The following KIAA1217 variants were observed in gnomAD, a reference collection of about 807,000 sequenced individuals.
The protein encoded by KIAA1217 is sickle tail protein homolog.
KIAA1217 carries 88 observed loss-of-function variants against 163.9 expected under a neutral mutation model. The observed-to-expected ratio is 0.54, with a 90% CI of 0.45 to 0.64. The LOEUF is 0.64. Ranked by LOEUF, KIAA1217 falls within the 30% of genes least tolerant of loss-of-function variation. The pLI, the probability that KIAA1217 is intolerant of heterozygous loss-of-function variation, is 0.00. For missense variants in KIAA1217, 2,372 were observed against 2,475.0 expected, an observed-to-expected ratio of 0.96 and a Z score of 0.88; for synonymous variants, 903 against 923.1, an observed-to-expected ratio of 0.98 and a Z score of 0.39.
chr10:24,000,649 C>A (rs1442862966), intron 1 of KIAA1217, among the ~76,000 whole-genome samples: 1 of 152,176 alleles, frequency 6.6e-6, no homozygotes, highest in Non-Finnish European at 1.5e-5. Context: ...TCCTGGGGCA[C>A]AAGTGGTGAT....
chr10:23,811,102 A>ATATATATTATATG (rs1357522838), intron 1 of KIAA1217, among the ~76,000 whole-genome samples: 1 of 136,420 alleles, frequency 7.3e-6, no homozygotes, highest in African/African-American at 2.7e-5. Flanking sequence ...TATATATACT[A>ATATATATTATATG]TATATTATAT....
chr10:24,449,819 C>T (rs984804946), intron 5 of KIAA1217: 1 of 866,104 alleles, frequency 1.2e-6, no homozygotes, highest in African/African-American at 1.8e-5. Context: ...TTTTCATGCT[C>T]TGGCACGTTT....
intron 5 of KIAA1217, among the ~76,000 whole-genome samples, chr10:24,464,000 A>C (rs2062692539): frequency 6.6e-6 from 1 of 152,192 alleles, no homozygotes; most frequent in African/African-American, 2.4e-5. Flanking sequence ...ACACACTCAT[A>C]CTGAACCAAA....
intron 2 of KIAA1217, among the ~76,000 whole-genome samples, chr10:24,183,438 T>C (rs76108267): frequency 1.3e-5 from 2 of 152,214 alleles, no homozygotes; most frequent in African/African-American, 4.8e-5. Flanking sequence ...CTGCTTCTCA[T>C]TCATCTTCAG....
At chr10:24,395,837 G>A (rs748717654) in intron 3 of KIAA1217, among the ~76,000 whole-genome samples, 11 of 151,936 alleles carry the variant, frequency 7.2e-5, no homozygotes, top group Non-Finnish European at 1.5e-4. Flanking sequence ...ATTACACTTG[G>A]CTATTTTGTT....
intron 2 of KIAA1217, among the ~76,000 whole-genome samples, chr10:24,258,880 A>C (rs2075441764): frequency 6.6e-6 from 1 of 152,118 alleles, no homozygotes; most frequent in South Asian, 2.1e-4. Flanking sequence ...GGCGTGAGCC[A>C]CCGCGCCCGG....
At chr10:24,073,689 T>A (rs1046854589) in intron 2 of KIAA1217, among the ~76,000 whole-genome samples, 1 of 152,124 alleles carries the variant, frequency 6.6e-6, no homozygotes, top group Non-Finnish European at 1.5e-5. Context: ...TCTATTCCAA[T>A]AGGAATGTGC....
intron 1 of KIAA1217, among the ~76,000 whole-genome samples, chr10:23,930,703 T>G (rs1404685957): frequency 6.6e-6 from 1 of 152,202 alleles, no homozygotes; most frequent in East Asian, 1.9e-4. Flanking sequence ...TATCTGTGAT[T>G]CATCAGGAAA....
chr10:24,049,201 G>A (rs937778271), intron 2 of KIAA1217, among the ~76,000 whole-genome samples: 7 of 152,020 alleles, frequency 4.6e-5, no homozygotes, highest in Non-Finnish European at 8.8e-5. Context: ...GGTTTTCTCT[G>A]AGCTGATCTG....
At chr10:24,532,065 T>C in intron 15 of KIAA1217, 72 bp downstream of exon 15, 2 of 1,329,730 alleles carry the variant, frequency 1.5e-6, no homozygotes, top group Non-Finnish European at 2.0e-6. Flanking sequence ...TTCTCTCTGT[T>C]GGAACATAAA....
intron 2 of KIAA1217, among the ~76,000 whole-genome samples, chr10:24,356,932 A>G (rs1371393749): frequency 6.6e-6 from 1 of 152,210 alleles, no homozygotes; most frequent in Non-Finnish European, 1.5e-5. Flanking sequence ...ATTTGCCAAA[A>G]AGGTTTAATC....
At chr10:23,778,586 G>T (rs914741919) in intron 1 of KIAA1217, among the ~76,000 whole-genome samples, 4 of 152,180 alleles carry the variant, frequency 2.6e-5, no homozygotes, top group Admixed American at 2.6e-4. Flanking sequence ...TATGTGCTTG[G>T]TTAGGGGTAC....
intron 2 of KIAA1217, among the ~76,000 whole-genome samples, chr10:24,057,324 C>T (rs2060565139): frequency 6.6e-6 from 1 of 152,140 alleles, no homozygotes; most frequent in Non-Finnish European, 1.5e-5. Context: ...TTTAAGTATA[C>T]AATACAATAT....
chr10:23,741,337 G>A (rs1839103937), intron 1 of KIAA1217, among the ~76,000 whole-genome samples: 1 of 152,094 alleles, frequency 6.6e-6, no homozygotes, highest in Non-Finnish European at 1.5e-5. Flanking sequence ...CCGTAGGATG[G>A]CTTCTTCCCC....
intron 2 of KIAA1217, among the ~76,000 whole-genome samples, chr10:24,193,209 G>C (rs1434118139): frequency 6.6e-6 from 1 of 152,180 alleles, no homozygotes. Context: ...ACAGGCATGA[G>C]CCACCACACC....
rs568071842 is a variant in KIAA1217, at chr10:23,832,376, G to A, written c.-321+137142G>A. 1.2e-4 allele frequency among the ~76,000 whole-genome samples: 18 copies of A among 152,230 alleles called. No individual in the cohort carries two copies. In the South Asian group the frequency reaches 2.5e-3, roughly 21 times the overall value. ...CCCTCTCTGGGCACACCGCACTCCC[G>A]GAACTTCCATGTTTTCACCAACCAG... On this transcript the variant is annotated intron_variant, in intron 1 of 18. Coordinates refer to the KIAA1217 transcript ENST00000376462.
chr10:23,792,660 T>C lies in KIAA1217; in HGVS notation c.-321+97426T>C, dbSNP rs193134583. Among the ~76,000 whole-genome samples the C allele has an allele frequency of 5.6e-3, 826 of 148,020 alleles. 6 individuals carry two copies. Among genetic ancestry groups the C allele is most frequent in the African/African-American group, 0.018 (701 of 38,808 alleles). On this transcript the variant is annotated intron_variant, in intron 1 of 18. Coordinates refer to the KIAA1217 transcript ENST00000376462. ...GGCGCCTGCCACCACGCCCGGCTAATTTTTTGTATTTTTTTTTTTTTTTAA... is the reference window on the plus strand; with the variant it reads ...GGCGCCTGCCACCACGCCCGGCTAACTTTTTGTATTTTTTTTTTTTTTTAA...
chr10:23,886,547 A>G (rs1450233003), intron 1 of KIAA1217, among the ~76,000 whole-genome samples: 2 of 151,984 alleles, frequency 1.3e-5, no homozygotes, highest in Non-Finnish European at 2.9e-5. Context: ...AACGTGTTTC[A>G]TTTTTAACAG....
At chr10:24,352,576 A>G (rs533271031) in intron 2 of KIAA1217, among the ~76,000 whole-genome samples, 37 of 152,238 alleles carry the variant, frequency 2.4e-4, no homozygotes, top group Non-Finnish European at 3.8e-4. Flanking sequence ...GGATTTTAGA[A>G]CAATGCAGTC....
Sources: allele counts gnomAD v4.1 joint callset (sites outside exome capture counted in the v4.1 genomes callset), GRCh38; gene constraint gnomAD v4.1.1; transcripts MANE v1.5; gene names NCBI Gene and HGNC (gene_info 2026-07-23, HGNC 2026-07-21).